The following SMPX variants were observed in gnomAD, a reference collection of about 807,000 sequenced individuals.
SMPX encodes the protein small muscle protein X-linked.
Under a neutral mutation model 6.3 loss-of-function variants are expected in SMPX, and 2 were observed. That is an observed-to-expected ratio of 0.32 (90% CI 0.13 to 0.99). The LOEUF (loss-of-function observed/expected upper bound fraction) is 0.99. Ranked by LOEUF, SMPX falls within the 50% of genes least tolerant of loss-of-function variation. SMPX has a pLI of 0.49. For synonymous variants in SMPX, 32 were observed against 24.7 expected (o/e 1.30, Z -0.88); for missense variants, 60 against 66.8 (o/e 0.90, Z 0.36).
intron 4 of SMPX, among the ~76,000 whole-genome samples, chrX:21,718,600 A>G (rs1008752822): frequency 1.2e-4 from 14 of 112,390 alleles, no homozygotes; most frequent in Non-Finnish European, 2.1e-4. Context: ...GCTGTGAGGA[A>G]TTTGAGCTTA....
At chrX:21,746,228 C>T (rs994494383) in intron 2 of SMPX, among the ~76,000 whole-genome samples, 1 of 111,727 alleles carries the variant, frequency 9.0e-6, no homozygotes, top group African/African-American at 3.3e-5. Context: ...GTTTAAATAC[C>T]TGCATCCTCA....
chrX:21,742,263 AC>A (rs1363076132), intron 3 of SMPX, among the ~76,000 whole-genome samples: 1 of 111,953 alleles, frequency 8.9e-6, no homozygotes, highest in African/African-American at 3.3e-5. Context: ...CGTCCCTTTT[AC>A]CTCCCCATGC....
chrX:21,729,535 T>C (rs1020619933), intron 4 of SMPX, among the ~76,000 whole-genome samples: 4 of 111,620 alleles, frequency 3.6e-5, no homozygotes, highest in East Asian at 2.8e-4. Flanking sequence ...CCTCCCCCCA[T>C]TGAGAACAAA....
intron 4 of SMPX, among the ~76,000 whole-genome samples, chrX:21,729,339 T>C (rs1456327792): frequency 8.9e-6 from 1 of 112,715 alleles, no homozygotes. Flanking sequence ...TTACTCACTC[T>C]CAGCAGTATT....
At chrX:21,731,075 A>G (rs1348546220) in intron 4 of SMPX, among the ~76,000 whole-genome samples, 5 of 110,692 alleles carry the variant, frequency 4.5e-5, no homozygotes, top group Non-Finnish European at 1.9e-5. Flanking sequence ...TTTTGTTTTC[A>G]TTCGCCTCAA....
intron 4 of SMPX, among the ~76,000 whole-genome samples, chrX:21,731,726 T>A (rs1303628118): frequency 8.7e-5 from 7 of 80,665 alleles, no homozygotes; most frequent in Non-Finnish European, 1.4e-4. Flanking sequence ...ATGTACACAT[T>A]AATGTGTATA....
intron 1 of SMPX, among the ~76,000 whole-genome samples, 194 bp from the exon 2 acceptor site, chrX:21,754,496 G>C (rs946983012): frequency 1.8e-5 from 2 of 111,605 alleles, no homozygotes; most frequent in Non-Finnish European, 3.8e-5. Context: ...TAGAGCACCA[G>C]GATAAATCAT....
intron 4 of SMPX, among the ~76,000 whole-genome samples, chrX:21,720,141 G>A (rs761520659): frequency 1.8e-5 from 2 of 112,449 alleles, no homozygotes; most frequent in Non-Finnish European, 3.8e-5. Flanking sequence ...GCTGGCTTGT[G>A]TAATCAGTAG....
rs187982886 is a variant in SMPX, at chrX:21,731,642, A to G, written c.*14+5907T>C. On this transcript the variant is annotated intron_variant, in intron 4 of 4. Coordinates refer to ENST00000379494, the MANE Select transcript of SMPX (RefSeq NM_014332.3). Reference sequence around the variant, plus strand: ...TGTACACATTTGTGTATATGTGTACATGTACACATAAGTGTGTATGTGTAT... The same window carrying G: ...TGTACACATTTGTGTATATGTGTACGTGTACACATAAGTGTGTATGTGTAT... 7.4e-4 allele frequency among the ~76,000 whole-genome samples: 74 copies of G among 100,148 alleles called. 1 individual carries two copies. Among genetic ancestry groups the G allele is most frequent in the Middle Eastern group, 6.2e-3 (1 of 161 alleles). 87.0% of individuals were successfully genotyped at this position (100,148 alleles called of 115,157 possible).
chrX:21,721,028 TTAGA>T (rs1353948009), intron 4 of SMPX, among the ~76,000 whole-genome samples: 1 of 111,686 alleles, frequency 9.0e-6, no homozygotes, highest in Non-Finnish European at 1.9e-5. Context: ...GGGAGATGAA[TTAGA>T]TAGGGGTTAA....
intron 4 of SMPX, among the ~76,000 whole-genome samples, chrX:21,726,196 A>G (rs1308793720): frequency 2.7e-5 from 3 of 112,123 alleles, no homozygotes; most frequent in Non-Finnish European, 5.6e-5. Flanking sequence ...CAGCACATCA[A>G]GTGTCCAGTG....
At chrX:21,728,504 T>C (rs979247583) in intron 4 of SMPX, among the ~76,000 whole-genome samples, 1 of 111,901 alleles carries the variant, frequency 8.9e-6, no homozygotes, top group African/African-American at 3.2e-5. Flanking sequence ...AATAAACAAA[T>C]GAGCAAACAA....
intron 4 of SMPX, among the ~76,000 whole-genome samples, chrX:21,722,366 G>T (rs2092792621): frequency 8.9e-6 from 1 of 112,092 alleles, no homozygotes; most frequent in South Asian, 3.7e-4. Context: ...GCTTGGCAAG[G>T]CCTTATTTAG....
At chrX:21,754,123 G>A in intron 2 of SMPX, 123 bp downstream of exon 2, 1 of 642,493 alleles carries the variant, frequency 1.6e-6, no homozygotes, top group Non-Finnish European at 2.6e-6. Context: ...TTTCTCAATT[G>A]TACCTTACAA....
intron 4 of SMPX, among the ~76,000 whole-genome samples, chrX:21,731,518 ATGTGTACACATACACATTATGTGTG>A (rs1472796923): frequency 8.0e-5 from 7 of 87,648 alleles, no homozygotes; most frequent in African/African-American, 2.0e-4. Context: ...TTATGTGTGT[ATGTGTACACATACACATTATGTGTG>A]TATGTGTATA....
chrX:21,711,384 G>A (rs188098445), intron 4 of SMPX, among the ~76,000 whole-genome samples: 240 of 112,040 alleles, frequency 2.1e-3, no homozygotes, highest in African/African-American at 7.4e-3. Context: ...CTATTCTCCT[G>A]TGCCCTGTTC....
At chrX:21,728,418 C>T (rs779290811) in intron 4 of SMPX, among the ~76,000 whole-genome samples, 2 of 111,478 alleles carry the variant, frequency 1.8e-5, no homozygotes, top group African/African-American at 3.3e-5. Flanking sequence ...ATCCCTAATG[C>T]CTGATATACT....
intron 2 of SMPX, among the ~76,000 whole-genome samples, chrX:21,744,094 T>A (rs1352671238): frequency 8.9e-6 from 1 of 111,977 alleles, no homozygotes; most frequent in Non-Finnish European, 1.9e-5. Context: ...AATTTCCTGT[T>A]GGATGGCAGA....
intron 4 of SMPX, among the ~76,000 whole-genome samples, chrX:21,707,230 T>C (rs990471708): frequency 9.1e-6 from 1 of 110,193 alleles, no homozygotes; most frequent in Admixed American, 9.8e-5. Flanking sequence ...CTTAGCATAA[T>C]GTCCTCCAGG....
Sources: gnomAD v4.1 joint callset for allele counts (sites outside exome capture counted in the v4.1 genomes callset) on GRCh38, gnomAD v4.1.1 for gene constraint, MANE v1.5 for transcripts, NCBI Gene and HGNC (gene_info 2026-07-23, HGNC 2026-07-21) for gene names.